Variants in LIAS observed in about 807,000 individuals in gnomAD.
LIAS encodes the protein lipoyl synthase, mitochondrial.
Under a neutral mutation model 49.4 loss-of-function variants are expected in LIAS, and 36 were observed. The observed-to-expected ratio is 0.73, with a 90% CI of 0.56 to 0.96. The LOEUF (loss-of-function observed/expected upper bound fraction) is 0.96. Among genes scored for constraint, LIAS ranks in the 40% least tolerant of loss-of-function variants. LIAS has a pLI of 0.00. For missense variants in LIAS, 399 were observed against 456.3 expected, an observed-to-expected ratio of 0.87 and a Z score of 1.14; for synonymous variants, 145 against 155.8, an observed-to-expected ratio of 0.93 and a Z score of 0.52.
rs1745282295 is a variant in LIAS at position 39,478,449 on chromosome 4, A to T, written c.*1334A>T. ...AGCCTGTGAAGCAGAGATTGCAGTG[A>T]GGCGATATCGTGCCACTGCACTCCA... On this transcript the variant is annotated 3_prime_UTR_variant, in exon 11 of 11. Transcript: ENST00000640888. 1 of 152,192 alleles carries T rather than the reference A, an allele frequency of 6.6e-6. No individual in the cohort carries two copies. Among genetic ancestry groups the T allele is most frequent in the Admixed American group, 6.5e-5 (1 of 15,280 alleles). The allele number at this position is 152,192 out of a possible 1,614,324, so 9.4% of individuals were successfully genotyped here.
rs1209521777 is a variant in LIAS, at chr4:39,473,099, G to A, written c.955-1G>A. The A allele has an allele frequency of 1.3e-6, 2 of 1,494,934 alleles. No individual in the cohort carries two copies. The highest frequency in any genetic ancestry group is 3.3e-5 in the Admixed American group (2 of 59,764). The allele number at this position is 1,494,934 out of a possible 1,614,324, so 92.6% of individuals were successfully genotyped here. A position where few individuals can be genotyped will look rare whatever the true frequency, so the allele number is the denominator to read the frequency against. On this transcript the variant is annotated splice_acceptor_variant, in intron 9 of 10. Coordinates refer to ENST00000640888, the MANE Select transcript of LIAS (RefSeq NM_006859.4). LOFTEE classifies it high-confidence loss of function. ...GATCAGAAGTAATTATTTAAATCTAGGTTGAAGAATATATTACTCCTGAAA... is the reference window on the plus strand; with the variant it reads ...GATCAGAAGTAATTATTTAAATCTAAGTTGAAGAATATATTACTCCTGAAA...
chr4:39,472,793 C>T (rs1234218798), intron 9 of LIAS, among the ~76,000 whole-genome samples: 4 of 152,066 alleles, frequency 2.6e-5, no homozygotes, highest in Non-Finnish European at 4.4e-5. Flanking sequence ...TAGCTGTTAA[C>T]GAAGGAAAAA....
chr4:39,462,319 T>C, intron 3 of LIAS, 30 bp downstream of exon 3: 1 of 1,092,028 alleles, frequency 9.2e-7, no homozygotes, highest in Non-Finnish European at 1.3e-6. Context: ...ACTATCCCTC[T>C]TCACCAAAAG....
chr4:39,468,290 AC>A (rs1441374013), intron 7 of LIAS: 2 of 145,778 alleles, frequency 1.4e-5, no homozygotes, highest in African/African-American at 5.1e-5. Flanking sequence ...GACCAGCCTG[AC>A]CAACATGGAG....
intron 10 of LIAS, chr4:39,475,682 G>A (rs1745171498): frequency 1.3e-5 from 2 of 152,432 alleles, no homozygotes; most frequent in Non-Finnish European, 1.5e-5. Flanking sequence ...TGGGCAACAT[G>A]GCAAAACCCC....
rs1408685320 is a variant in LIAS at position 39,478,900 on chromosome 4, A to G, written c.*1785A>G. The G allele has an allele frequency of 6.6e-6, 1 of 152,182 alleles. No homozygotes were observed. The highest frequency in any genetic ancestry group is 1.5e-5 in the Non-Finnish European group (1 of 68,036). 9.4% of individuals were successfully genotyped at this position (152,182 alleles called of 1,614,324 possible). On this transcript the variant is annotated 3_prime_UTR_variant, in exon 11 of 11. Transcript: ENST00000640888. Reference sequence around the variant, plus strand: ...CTGTTTTGAATTCTTATAACGAGCCAGTATTATAAAAGTAATGCACATCCT... The same window carrying G: ...CTGTTTTGAATTCTTATAACGAGCCGGTATTATAAAAGTAATGCACATCCT...
In LIAS at chr4:39,473,220, G is replaced by C; in HGVS notation, c.1066+9G>C. 1 of 1,524,422 alleles carries C rather than the reference G, an allele frequency of 6.6e-7. No individual in the cohort carries two copies. Among genetic ancestry groups the C allele is most frequent in the African/African-American group, 1.4e-5 (1 of 73,292 alleles). 94.4% of individuals were successfully genotyped at this position (1,524,422 alleles called of 1,614,324 possible). ...TTCTTCATATAAAGCAGGTAAGTTAGATTGTGGGGCATGGTTTCATTTAGG... is the reference window on the plus strand; with the variant it reads ...TTCTTCATATAAAGCAGGTAAGTTACATTGTGGGGCATGGTTTCATTTAGG... On this transcript the variant is annotated intron_variant, in intron 10 of 10. Transcript: ENST00000640888.
rs762590825 is a variant in LIAS at position 39,470,036 on chromosome 4, G to A, written c.755G>A (p.Arg252Gln). 5 of 1,607,502 alleles carry A rather than the reference G, an allele frequency of 3.1e-6. No individual in the cohort carries two copies. Among genetic ancestry groups the A allele is most frequent in the East Asian group, 4.5e-5 (2 of 44,750 alleles). Residue 252 changes from arginine (R) to glutamine (Q), a missense_variant, in exon 8 of 11, where the codon CGG becomes CAG. By Grantham distance (43) the Arg-to-Gln change is conservative (BLOSUM62 1). Around this residue, in one of 3 missense-constraint regions of LIAS, gnomAD observed 234 missense variants for 292.2 expected, o/e 0.80. Coordinates refer to ENST00000640888, the MANE Select transcript of LIAS (RefSeq NM_006859.4). ...TTTTCCAGTAAGGTTCGTGATCCTC[G>A]GGCCAATTTTGATCAGTCCCTACGT... ...PELQSKVRDP[R>Q]ANFDQSLRVL...
intron 3 of LIAS, among the ~76,000 whole-genome samples, 191 bp downstream of exon 3, chr4:39,462,480 C>G (rs986853302): frequency 5.9e-5 from 9 of 151,870 alleles, no homozygotes; most frequent in Non-Finnish European, 1.2e-4. Context: ...TTTTGCCCTA[C>G]GAGTTTGGAA....
At chr4:39,461,166 T>C (rs1744481432) in intron 2 of LIAS, among the ~76,000 whole-genome samples, 1 of 152,210 alleles carries the variant, frequency 6.6e-6, no homozygotes, top group Non-Finnish European at 1.5e-5. Flanking sequence ...TTGCCCTTAC[T>C]ATGTTACACT....
chr4:39,465,216 C>G lies in LIAS; in HGVS notation c.550+14C>G, dbSNP rs1304426868. On this transcript the variant is annotated intron_variant, in intron 5 of 10. Coordinates refer to ENST00000640888, the MANE Select transcript of LIAS (RefSeq NM_006859.4). ...TGGATCGAGATGGTTAGTGTGTCATCATGGCCTCTACCAGAAACTGGCTCT... is the reference window on the plus strand; with the variant it reads ...TGGATCGAGATGGTTAGTGTGTCATGATGGCCTCTACCAGAAACTGGCTCT... 1 of 1,612,854 alleles carries G rather than the reference C, an allele frequency of 6.2e-7. No homozygotes were observed. The highest frequency in any genetic ancestry group is 8.5e-7 in the Non-Finnish European group (1 of 1,179,168).
chr4:39,464,997 T>G, intron 4 of LIAS, 49 bp from the exon 5 acceptor site: 1 of 1,498,202 alleles, frequency 6.7e-7, no homozygotes, highest in Non-Finnish European at 9.2e-7. Flanking sequence ...CATTATGTCC[T>G]TAAGGGTCAT....
chr4:39,476,999 A>G (rs1234325339), intron 10 of LIAS, 64 bp from the exon 11 acceptor site: 10 of 1,071,790 alleles, frequency 9.3e-6, no homozygotes, highest in African/African-American at 1.6e-5. Flanking sequence ...ATAATTCTGA[A>G]ATAGTTGTCT....
In LIAS at chr4:39,460,892, T is replaced by G. The variant is rs775089515; in HGVS notation, c.148T>G (p.Ser50Ala). 2 of 1,613,318 alleles carry G rather than the reference T, an allele frequency of 1.2e-6. No individual in the cohort carries two copies. The highest frequency in any genetic ancestry group is 2.7e-5 in the African/African-American group (2 of 74,904). The change falls in exon 2 of 11, where the codon TCT becomes GCT. Residue 50 changes from serine (S) to alanine (A), a missense_variant. Physicochemically the swap from Ser to Ala is moderately conservative, Grantham distance 99. Coordinates refer to ENST00000640888, the MANE Select transcript of LIAS (RefSeq NM_006859.4). ...TGGACCAGACCTTCAAGATTTTGTA[T>G]CTGGTGATCTTGCAGACAGGAGCAC... ...QNGPDLQDFV[S>A]GDLADRSTWD...
rs758964059 is a variant in LIAS at position 39,467,612 on chromosome 4, G to A, written c.703G>A (p.Ala235Thr). ...KVALSGLDVYAHNVETVPELQ... is the reference protein window; with the variant it reads ...KVALSGLDVYTHNVETVPELQ... ...TGCTCTGTCAGGATTAGATGTGTAT[G>A]CACATAATGTAGAAACAGTCCCGGA... Residue 235 changes from alanine to threonine, a missense_variant, in exon 7 of 11, where the codon GCA becomes ACA. Ala to Thr is a moderately conservative substitution (Grantham distance 58). Transcript: ENST00000640888. The A allele has an allele frequency of 6.3e-7, 1 of 1,598,274 alleles. No homozygotes were observed. Among genetic ancestry groups the A allele is most frequent in the Non-Finnish European group, 8.5e-7 (1 of 1,171,866 alleles).
Position 39,479,432 on chromosome 4 carries a change from T to G in LIAS, c.*2317T>G, listed in dbSNP as rs1745319660. The G allele has an allele frequency of 1.4e-5, 2 of 144,398 alleles. No individual in the cohort carries two copies. Among genetic ancestry groups the G allele is most frequent in the Non-Finnish European group, 3.0e-5 (2 of 66,602 alleles). 8.9% of individuals were successfully genotyped at this position (144,398 alleles called of 1,614,324 possible). On this transcript the variant is annotated 3_prime_UTR_variant, in exon 11 of 11. Transcript: ENST00000640888. ...TCAGGAGGCTGAGACAGGAGAATCCTTGAACCTGGGAGGCAGAGGTTGCAG... is the reference window on the plus strand; with the variant it reads ...TCAGGAGGCTGAGACAGGAGAATCCGTGAACCTGGGAGGCAGAGGTTGCAG...
At chr4:39,461,659 G>C (rs968373332) in intron 2 of LIAS, among the ~76,000 whole-genome samples, 5 of 152,166 alleles carry the variant, frequency 3.3e-5, no homozygotes, top group South Asian at 2.1e-4. Flanking sequence ...GTAGACGTGA[G>C]TATAGCGCCC....
chr4:39,468,283 C>G (rs1432126061), intron 7 of LIAS: 1 of 151,200 alleles, frequency 6.6e-6, no homozygotes, highest in Non-Finnish European at 1.5e-5. Flanking sequence ...AGTTCGAGAC[C>G]AGCCTGACCA....
intron 10 of LIAS, chr4:39,475,570 A>G (rs1169279143): frequency 6.6e-6 from 1 of 152,156 alleles, no homozygotes; most frequent in Non-Finnish European, 1.5e-5. Flanking sequence ...TAGTTCCTAT[A>G]AAGACATTTA....
Sources: allele counts gnomAD v4.1 joint callset (sites outside exome capture counted in the v4.1 genomes callset), GRCh38; gene constraint gnomAD v4.1.1; regional missense constraint gnomAD v4.1.1; transcripts MANE v1.5; gene names NCBI Gene and HGNC (gene_info 2026-07-23, HGNC 2026-07-21).